The following OTUD7A variants were observed in gnomAD, a reference collection of about 807,000 sequenced individuals.
OTUD7A encodes OTU deubiquitinase 7A.
In OTUD7A, 12 loss-of-function variants were observed where a neutral mutation model predicts 65.7. That is an observed-to-expected ratio of 0.18 (90% CI 0.12 to 0.30). The LOEUF (loss-of-function observed/expected upper bound fraction) is 0.30. Ranked by LOEUF, OTUD7A falls within the 10% of genes least tolerant of loss-of-function variation. The pLI, the probability that OTUD7A is intolerant of heterozygous loss-of-function variation, is 1.00. For missense variants in OTUD7A, 1,148 were observed against 1,304.8 expected, an observed-to-expected ratio of 0.88 and a Z score of 1.85; for synonymous variants, 641 against 586.3, an observed-to-expected ratio of 1.09 and a Z score of -1.35.
chr15:31,785,650 C>A (rs1234587314), intron 1 of OTUD7A, among the ~76,000 whole-genome samples: 2 of 152,202 alleles, frequency 1.3e-5, no homozygotes, highest in Admixed American at 6.5e-5. Context: ...AGCAACCACT[C>A]CAGACTGTAA....
intron 1 of OTUD7A, among the ~76,000 whole-genome samples, chr15:31,863,304 C>G (rs755708194): frequency 3.9e-5 from 6 of 152,178 alleles, no homozygotes; most frequent in Non-Finnish European, 8.8e-5. Flanking sequence ...CATAGCTCCA[C>G]TAGGCAGTGC....
intron 4 of OTUD7A, among the ~76,000 whole-genome samples, chr15:31,564,324 G>A (rs1299828987): frequency 6.7e-6 from 1 of 148,672 alleles, no homozygotes; most frequent in African/African-American, 2.5e-5. Flanking sequence ...ATCTTTTTAG[G>A]CACTCAAGGC....
At chr15:31,793,989 T>C (rs1179281696) in intron 1 of OTUD7A, among the ~76,000 whole-genome samples, 2 of 152,250 alleles carry the variant, frequency 1.3e-5, no homozygotes, top group Non-Finnish European at 2.9e-5. Context: ...TATTTTTGCC[T>C]TATAATTTGT....
Position 31,809,078 on chromosome 15 carries a change from C to A in OTUD7A, c.-100+61429G>T, listed in dbSNP as rs192188400. On this transcript the variant is annotated intron_variant, in intron 1 of 12. Transcript: ENST00000307050. Reference sequence around the variant, plus strand: ...TGACAGGAGAGGAAGCAGGCATAAGCACAGTGTAGACTGCAGGGTCAGCTT... The same window carrying A: ...TGACAGGAGAGGAAGCAGGCATAAGAACAGTGTAGACTGCAGGGTCAGCTT... 5.3e-5 allele frequency among the ~76,000 whole-genome samples: 8 copies of A among 152,302 alleles called. No individual in the cohort carries two copies. The East Asian group carries it at 1.5e-3, about 29-fold the overall frequency.
chr15:31,605,157 T>C (rs1890201381), intron 3 of OTUD7A, among the ~76,000 whole-genome samples: 1 of 152,182 alleles, frequency 6.6e-6, no homozygotes, highest in South Asian at 2.1e-4. Flanking sequence ...GAACTTACTC[T>C]CTCTGTGCTG....
chr15:31,795,158 G>A (rs1214118070), intron 1 of OTUD7A, among the ~76,000 whole-genome samples: 1 of 152,168 alleles, frequency 6.6e-6, no homozygotes, highest in Non-Finnish European at 1.5e-5. Context: ...AGGATAAAAG[G>A]TTACTGGGTT....
chr15:31,589,813 A>G (rs1362512910), intron 3 of OTUD7A, among the ~76,000 whole-genome samples: 1 of 152,176 alleles, frequency 6.6e-6, no homozygotes, highest in Non-Finnish European at 1.5e-5. Context: ...AGAAAAGTAA[A>G]TCATTCAGTT....
intron 1 of OTUD7A, among the ~76,000 whole-genome samples, chr15:31,819,652 T>C (rs976034914): frequency 6.6e-6 from 1 of 152,148 alleles, no homozygotes; most frequent in Non-Finnish European, 1.5e-5. Context: ...CATATGTGTA[T>C]AATTCAAAAC....
intron 3 of OTUD7A, among the ~76,000 whole-genome samples, chr15:31,570,572 T>C (rs961059979): frequency 6.6e-6 from 1 of 152,226 alleles, no homozygotes; most frequent in East Asian, 1.9e-4. Context: ...AAAGCATCAA[T>C]TAAAGAAAAA....
At chr15:31,808,594 A>G (rs982729515) in intron 1 of OTUD7A, among the ~76,000 whole-genome samples, 17 of 152,162 alleles carry the variant, frequency 1.1e-4, no homozygotes, top group African/African-American at 3.6e-4. Flanking sequence ...TCTGAGTGTA[A>G]GAGACCCTGA....
intron 3 of OTUD7A, among the ~76,000 whole-genome samples, chr15:31,589,654 C>G (rs60461663): frequency 0.17 from 25,828 of 151,850 alleles, 2,465 homozygotes; most frequent in East Asian, 0.25. Flanking sequence ...CTAATATCCT[C>G]AGGGCCTCAG....
intron 1 of OTUD7A, among the ~76,000 whole-genome samples, chr15:31,789,486 T>C (rs1895757458): frequency 6.6e-6 from 1 of 152,226 alleles, no homozygotes; most frequent in Non-Finnish European, 1.5e-5. Flanking sequence ...CACATTTCAC[T>C]CCTCCACAAT....
chr15:31,558,607 T>C (rs1162064864), intron 5 of OTUD7A: 1 of 265,278 alleles, frequency 3.8e-6, no homozygotes, highest in East Asian at 7.8e-5. Flanking sequence ...TCTCCCGTTT[T>C]CTCTAAAGCC....
At chr15:31,587,108 G>T (rs74914129) in intron 3 of OTUD7A, among the ~76,000 whole-genome samples, 4,558 of 152,168 alleles carry the variant, frequency 0.03, 229 homozygotes, top group African/African-American at 0.1. Context: ...AAAGATCCAT[G>T]CATCATGCTT....
intron 1 of OTUD7A, among the ~76,000 whole-genome samples, chr15:31,686,118 C>T (rs185055555): frequency 6.6e-6 from 1 of 152,224 alleles, no homozygotes; most frequent in Non-Finnish European, 1.5e-5. Context: ...TGAACCCACA[C>T]TGGGGAACAC....
intron 1 of OTUD7A, among the ~76,000 whole-genome samples, chr15:31,841,953 C>A (rs942836370): frequency 5.9e-5 from 9 of 152,204 alleles, no homozygotes; most frequent in African/African-American, 2.2e-4. Flanking sequence ...CTTCCCATCT[C>A]CACCCATGCT....
At chr15:31,860,677 G>GTGTATGTATATATATATATATATATATA (rs560896384) in intron 1 of OTUD7A, among the ~76,000 whole-genome samples, 2 of 73,284 alleles carry the variant, frequency 2.7e-5, no homozygotes, top group Middle Eastern at 9.8e-3. Flanking sequence ...ATGTATGTGT[G>GTGTATGTATATATATATATATATATATA]TATATATATA....
chr15:31,512,222 G>GT lies in OTUD7A; in HGVS notation c.894-8405dup, dbSNP rs374620227. 2.4e-3 allele frequency among the ~76,000 whole-genome samples: 347 copies of GT among 147,074 alleles called. 1 individual carries two copies. Among genetic ancestry groups the GT allele is most frequent in the South Asian group, 0.017 (79 of 4,604 alleles). ...TGGTTCACGTGATATGTGAGGAATT[G>GT]TTTTTTTTTTGCATTGCTGAGACTC... On this transcript the variant is annotated intron_variant, in intron 8 of 12. Transcript: ENST00000307050.
chr15:31,534,381 A>C (rs887760642), intron 5 of OTUD7A, among the ~76,000 whole-genome samples: 5 of 152,170 alleles, frequency 3.3e-5, no homozygotes, highest in Admixed American at 3.3e-4. Context: ...TTCCCATAAA[A>C]CTAGGAATAG....
Sources: gnomAD v4.1 joint callset for allele counts (sites outside exome capture counted in the v4.1 genomes callset) on GRCh38, gnomAD v4.1.1 for gene constraint, MANE v1.5 for transcripts, NCBI Gene and HGNC (gene_info 2026-07-23, HGNC 2026-07-21) for gene names.